HECW2: variants seen among roughly 807,000 people sequenced by gnomAD.
The protein encoded by HECW2 is E3 ubiquitin-protein ligase HECW2.
HECW2 carries 61 observed loss-of-function variants against 175.2 expected under a neutral mutation model. That is an observed-to-expected ratio of 0.35 (90% confidence interval 0.28 to 0.43). The LOEUF (loss-of-function observed/expected upper bound fraction) is 0.43. HECW2 is among the 20% of genes least tolerant of loss of function. The probability of loss-of-function intolerance (pLI) is 1.00; values close to 1 mark genes in which losing one functional copy is unlikely to be tolerated. For missense variants in HECW2, 1,524 were observed against 2,000.5 expected, an observed-to-expected ratio of 0.76 and a Z score of 4.54; for synonymous variants, 671 against 731.0, an observed-to-expected ratio of 0.92 and a Z score of 1.32.
chr2:196,533,999 T>A (rs1425400305), intron 1 of HECW2, among the ~76,000 whole-genome samples: 1 of 152,220 alleles, frequency 6.6e-6, no homozygotes, highest in Non-Finnish European at 1.5e-5. Context: ...GGGATTTGAT[T>A]TGTTTTTCTG....
chr2:196,563,807 C>T (rs1690087979), intron 1 of HECW2, among the ~76,000 whole-genome samples: 1 of 152,088 alleles, frequency 6.6e-6, no homozygotes, highest in Non-Finnish European at 1.5e-5. Context: ...GAAGTTCTTG[C>T]AAAATGCTAT....
At chr2:196,203,534 C>G (rs1359416083) in intron 28 of HECW2, among the ~76,000 whole-genome samples, 1 of 152,066 alleles carries the variant, frequency 6.6e-6, no homozygotes, top group African/African-American at 2.4e-5. Flanking sequence ...CATTTATTAT[C>G]CTATTAGACT....
At chr2:196,269,125 A>G (rs956381889) in intron 17 of HECW2, among the ~76,000 whole-genome samples, 1 of 152,214 alleles carries the variant, frequency 6.6e-6, no homozygotes, top group African/African-American at 2.4e-5. Flanking sequence ...TGTTTATAGT[A>G]TAATACTTGA....
chr2:196,484,575 C>T (rs756206983), intron 1 of HECW2, among the ~76,000 whole-genome samples: 1 of 152,290 alleles, frequency 6.6e-6, no homozygotes, highest in Non-Finnish European at 1.5e-5. Flanking sequence ...CCACAAATCC[C>T]TGTTCTTATC....
At chr2:196,459,862 G>A (rs10205574) in intron 1 of HECW2, among the ~76,000 whole-genome samples, 32,872 of 151,904 alleles carry the variant, frequency 0.22, 4,034 homozygotes, top group African/African-American at 0.34. Flanking sequence ...TGCTAATGCC[G>A]CCATAGTTAA....
rs1249838069 is a variant in HECW2, at chr2:196,319,655, C to T, written c.1235G>A (p.Arg412His). 14 of 1,614,112 alleles carry T rather than the reference C, an allele frequency of 8.7e-6. No homozygotes were observed. Among genetic ancestry groups the T allele is most frequent in the African/African-American group, 2.7e-5 (2 of 74,926 alleles). Reference protein sequence around the residue: ...TSSRTSPPRGRQDSLNDYLDA... With the variant: ...TSSRTSPPRGHQDSLNDYLDA... ...TAAGTAATCATTGAGTGAATCCTGA[C>T]GTCCTCTGGGAGGTGAGGTCCTTGA... Residue 412 changes from arginine to histidine, a missense_variant, in exon 9 of 29, where the codon CGT becomes CAT. Physicochemically the swap from Arg to His is conservative, Grantham distance 29. Around this residue, in one of 11 missense-constraint regions of HECW2, gnomAD observed 604 missense variants for 588.3 expected, o/e 1.03. Coordinates refer to ENST00000644978, the MANE Select transcript of HECW2 (RefSeq NM_001348768.2).
chr2:196,303,104 T>C (rs150949346), intron 13 of HECW2, among the ~76,000 whole-genome samples: 5,322 of 152,286 alleles, frequency 0.035, 148 homozygotes, highest in Middle Eastern at 0.054. Flanking sequence ...ACCTAGTTGA[T>C]TGAGAGTTTT....
intron 28 of HECW2, among the ~76,000 whole-genome samples, chr2:196,215,607 C>T (rs9288258): frequency 0.18 from 27,408 of 152,150 alleles, 5,852 homozygotes; most frequent in African/African-American, 0.52. Flanking sequence ...TGATAACCAA[C>T]GTCGCTTTAC....
intron 19 of HECW2, among the ~76,000 whole-genome samples, chr2:196,243,972 T>A (rs540625430): frequency 6.6e-6 from 1 of 152,134 alleles, no homozygotes; most frequent in Non-Finnish European, 1.5e-5. Flanking sequence ...AATATGGAAA[T>A]CAGACACAGA....
intron 1 of HECW2, among the ~76,000 whole-genome samples, chr2:196,584,618 A>C (rs535442518): frequency 1.4e-4 from 22 of 152,024 alleles, no homozygotes; most frequent in Admixed American, 5.9e-4. Flanking sequence ...TCACTGCATT[A>C]GGTTAAGCAT....
At chr2:196,279,376 T>A (rs547101993) in intron 14 of HECW2, among the ~76,000 whole-genome samples, 195 of 152,298 alleles carry the variant, frequency 1.3e-3, no homozygotes, top group Non-Finnish European at 2.1e-3. Context: ...TGACTTCTCT[T>A]CTTTCTTCCT....
rs1686631829 is a variant in HECW2 at position 196,194,723 on chromosome 2, G to A, written c.*6554C>T. ...TGTATAACCTTAATGCTAACAGCAA[G>A]CATCTCCCATTATTATTCTCCATCA... On this transcript the variant is annotated 3_prime_UTR_variant, in exon 29 of 29. Coordinates refer to ENST00000644978, the MANE Select transcript of HECW2 (RefSeq NM_001348768.2). 1 of 151,986 alleles carries A rather than the reference G, an allele frequency of 6.6e-6. No homozygotes were observed. The highest frequency in any genetic ancestry group is 1.5e-5 in the Non-Finnish European group (1 of 67,986). 9.4% of individuals were successfully genotyped at this position (151,986 alleles called of 1,614,324 possible).
Position 196,429,139 on chromosome 2 carries a change from A to G in HECW2, c.292+3993T>C, listed in dbSNP as rs74373187. 4.9e-3 allele frequency among the ~76,000 whole-genome samples: 742 copies of G among 152,304 alleles called. 7 individuals carry two copies. Among genetic ancestry groups the G allele is most frequent in the African/African-American group, 0.017 (720 of 41,566 alleles). The stretch of plus-strand genomic sequence containing the variant: ...TCATTGGAAAGCAAAGTTCCCCCAA[A>G]GGTTTCCCATTAGATCTCATGGGCA... On this transcript the variant is annotated intron_variant, in intron 2 of 28. Transcript: ENST00000644978.
chr2:196,564,917 C>A (rs1251592692), intron 1 of HECW2, among the ~76,000 whole-genome samples: 1 of 148,476 alleles, frequency 6.7e-6, no homozygotes, highest in African/African-American at 2.5e-5. Flanking sequence ...GTAGACAATA[C>A]ATTAAAAGTT....
intron 1 of HECW2, among the ~76,000 whole-genome samples, chr2:196,588,234 T>C (rs564847495): frequency 6.6e-6 from 1 of 152,338 alleles, no homozygotes; most frequent in Non-Finnish European, 1.5e-5. Flanking sequence ...CTTTGTTTTA[T>C]TCATTGATAT....
chr2:196,278,577 A>C lies in HECW2; in HGVS notation c.3086T>G (p.Leu1029Arg), dbSNP rs1331907128. The C allele has an allele frequency of 6.2e-7, 1 of 1,614,148 alleles. No individual in the cohort carries two copies. Among genetic ancestry groups the C allele is most frequent in the Non-Finnish European group, 8.5e-7 (1 of 1,180,008 alleles). ...PLQSSRPTSA[L>R]VHRQHLTRQR... ...CCTTGTCAGGTGTTGCCGATGAACCAGCGCACTTGTGGGTCTACTGCTCTG... is the reference window on the plus strand; with the variant it reads ...CCTTGTCAGGTGTTGCCGATGAACCCGCGCACTTGTGGGTCTACTGCTCTG... The change falls in exon 15 of 29, where the codon CTG becomes CGG. Residue 1029 changes from leucine (L) to arginine (R), a missense_variant. Transcript: ENST00000644978.
intron 1 of HECW2, among the ~76,000 whole-genome samples, chr2:196,487,670 CT>C (rs1687055214): frequency 6.6e-6 from 1 of 152,164 alleles, no homozygotes; most frequent in Non-Finnish European, 1.5e-5. Context: ...CACACACGGT[CT>C]TCTAAGAGAA....
Position 196,486,082 on chromosome 2 carries a change from T to C in HECW2, c.-35-52624A>G, listed in dbSNP as rs979175583. Among the ~76,000 whole-genome samples the C allele has an allele frequency of 2.6e-5, 4 of 152,186 alleles. No homozygotes were observed. The East Asian group carries it at 5.8e-4, about 22-fold the overall frequency. On this transcript the variant is annotated intron_variant, in intron 1 of 28. Transcript: ENST00000644978. ...AATAGTGTGAGAAACATGGCAATTT[T>C]TGTGGGTTTTGTAAAGGGTCTGGTG...
chr2:196,450,757 A>G (rs1696323873), intron 1 of HECW2, among the ~76,000 whole-genome samples: 1 of 152,150 alleles, frequency 6.6e-6, no homozygotes, highest in Non-Finnish European at 1.5e-5. Context: ...CTGGGATTAC[A>G]GATGTGAGCC....
Sources: allele counts gnomAD v4.1 joint callset (sites outside exome capture counted in the v4.1 genomes callset), GRCh38; gene constraint gnomAD v4.1.1; regional missense constraint gnomAD v4.1.1; transcripts MANE v1.5; gene names NCBI Gene and HGNC (gene_info 2026-07-23, HGNC 2026-07-21).